Variants in RYR3 observed in about 807,000 individuals in gnomAD.
RYR3 encodes brain ryanodine receptor-calcium release channel.
RYR3 carries 207 observed loss-of-function variants against 584.3 expected under a neutral mutation model. That is an observed-to-expected ratio of 0.35 (90% CI 0.32 to 0.40). The LOEUF is 0.40. Among genes scored for constraint, RYR3 ranks in the 10% least tolerant of loss-of-function variants. The probability of loss-of-function intolerance (pLI) is 1.00; values close to 1 mark genes in which losing one functional copy is unlikely to be tolerated. For missense variants in RYR3, 5,616 were observed against 6,089.2 expected (o/e 0.92, Z 2.59); for synonymous variants, 2,416 against 2,248.5 (o/e 1.07, Z -2.11).
At position 33,831,223 on chromosome 15, in the gene RYR3, T is replaced by C. The variant is rs1451668956; in HGVS notation, c.11463+132T>C. On this transcript the variant is annotated intron_variant, in intron 86 of 103. Transcript: ENST00000634891. ...CAGCCCTAATGCTGACAATTTTTATTTTCTCTAAATAGGAAGCAATAGTAC... is the reference window on the plus strand; with the variant it reads ...CAGCCCTAATGCTGACAATTTTTATCTTCTCTAAATAGGAAGCAATAGTAC... 4 of 823,228 alleles carry C rather than the reference T, an allele frequency of 4.9e-6. No homozygotes were observed. The East Asian group carries it at 1.2e-4, about 25-fold the overall frequency. 51.0% of individuals were successfully genotyped at this position (823,228 alleles called of 1,614,324 possible). A position where few individuals can be genotyped will look rare whatever the true frequency, so the allele number is the denominator to read the frequency against.
intron 2 of RYR3, among the ~76,000 whole-genome samples, chr15:33,486,841 T>G (rs887497674): frequency 3.9e-5 from 6 of 152,104 alleles, no homozygotes; most frequent in African/African-American, 1.4e-4. Context: ...AGCAGGGTCC[T>G]TTGGGAGGAC....
chr15:33,746,222 A>G, intron 53 of RYR3, 65 bp downstream of exon 53: 1 of 1,055,242 alleles, frequency 9.5e-7, no homozygotes, highest in South Asian at 1.3e-5. Context: ...TGATTTTATC[A>G]GAGGAGTTCA....
chr15:33,550,171 G>A lies in RYR3; in HGVS notation c.827G>A (p.Ser276Asn). 3 of 1,612,314 alleles carry A rather than the reference G, an allele frequency of 1.9e-6. No homozygotes were observed. Among genetic ancestry groups the A allele is most frequent in the Non-Finnish European group, 1.7e-6 (2 of 1,179,452 alleles). ...VEPLRISWSG[S>N]NIRWGQAFRL... Reference sequence around the variant, plus strand: ...TTTCATCTGCCCAGCTGGAGTGGCAGTAACATCAGATGGGGCCAGGCTTTC... The same window carrying A: ...TTTCATCTGCCCAGCTGGAGTGGCAATAACATCAGATGGGGCCAGGCTTTC... The change falls in exon 10 of 104, where the codon AGT becomes AAT. Residue 276 changes from serine to asparagine, a missense_variant. Ser to Asn is a conservative substitution (Grantham distance 46, BLOSUM62 1). Around this residue, in one of 9 missense-constraint regions of RYR3, gnomAD observed 1,284 missense variants for 1,344.6 expected, o/e 0.95. Coordinates refer to ENST00000634891, the MANE Select transcript of RYR3 (RefSeq NM_001036.6).
intron 24 of RYR3, among the ~76,000 whole-genome samples, chr15:33,634,306 C>G (rs929462276): frequency 1.3e-5 from 2 of 152,186 alleles, no homozygotes; most frequent in African/African-American, 4.8e-5. Context: ...CCACCTCGGC[C>G]TCCCAAAGTG....
chr15:33,420,679 T>A (rs910417386), intron 1 of RYR3, among the ~76,000 whole-genome samples: 1 of 152,010 alleles, frequency 6.6e-6, no homozygotes, highest in African/African-American at 2.4e-5. Flanking sequence ...ATTTTTTTTT[T>A]AAAACAATCT....
At chr15:33,706,187 C>T (rs8025933) in intron 42 of RYR3, among the ~76,000 whole-genome samples, 47,796 of 151,848 alleles carry the variant, frequency 0.31, 8,436 homozygotes, top group African/African-American at 0.5. Context: ...TTGTTTCTTA[C>T]ATACGTGTAA....
chr15:33,657,390 C>T lies in RYR3; in HGVS notation c.4309-2330C>T, dbSNP rs72713246. Among the ~76,000 whole-genome samples, 918 of 152,350 alleles carry T rather than the reference C, an allele frequency of 6.0e-3. 5 individuals carry two copies. Among genetic ancestry groups the T allele is most frequent in the Non-Finnish European group, 0.011 (733 of 68,026 alleles). On this transcript the variant is annotated intron_variant, in intron 32 of 103. Transcript: ENST00000634891. ...ATTTCTCTCTCCCTGTTAGCAGAAA[C>T]GCATGGGCTTCCTACTGGTCCAGAT...
At chr15:33,846,745 C>G (rs568401275) in intron 93 of RYR3, among the ~76,000 whole-genome samples, 1 of 152,330 alleles carries the variant, frequency 6.6e-6, no homozygotes, top group East Asian at 1.9e-4. Flanking sequence ...GTTGAACTCA[C>G]AGCTCTGCCA....
chr15:33,686,567 C>A (rs769340179), intron 38 of RYR3, among the ~76,000 whole-genome samples: 11 of 152,316 alleles, frequency 7.2e-5, no homozygotes, highest in Admixed American at 3.3e-4. Context: ...TCCTCCCTTA[C>A]TCATTTTATG....
At chr15:33,445,597 G>A (rs1333320177) in intron 1 of RYR3, among the ~76,000 whole-genome samples, 1 of 148,316 alleles carries the variant, frequency 6.7e-6, no homozygotes, top group Non-Finnish European at 1.5e-5. Flanking sequence ...CTCAGATGAT[G>A]AATATAAATT....
chr15:33,815,738 A>G, intron 74 of RYR3: 1 of 395,310 alleles, frequency 2.5e-6, no homozygotes, highest in Admixed American at 4.4e-5. Flanking sequence ...AACCGCACAG[A>G]ATCTCCCAAA....
chr15:33,574,870 G>A (rs1408076206), intron 12 of RYR3, among the ~76,000 whole-genome samples: 5 of 152,108 alleles, frequency 3.3e-5, no homozygotes, highest in East Asian at 1.9e-4. Flanking sequence ...TTCATGTGCC[G>A]TATTCAAGAG....
At chr15:33,793,079 A>G (rs1002217605) in intron 67 of RYR3, among the ~76,000 whole-genome samples, 3 of 152,194 alleles carry the variant, frequency 2.0e-5, no homozygotes, top group African/African-American at 7.2e-5. Context: ...ATTCACTCAG[A>G]TTTGATAATT....
chr15:33,474,359 G>A (rs139528739), intron 2 of RYR3, among the ~76,000 whole-genome samples: 3 of 152,306 alleles, frequency 2.0e-5, no homozygotes, highest in African/African-American at 7.2e-5. Context: ...AGTCGTAGGG[G>A]CTAGTGAGAC....
rs367738785 is a variant in RYR3, at chr15:33,746,803, C to CTTTT, written c.7989+659_7989+662dup. On this transcript the variant is annotated intron_variant, in intron 53 of 103. Coordinates refer to ENST00000634891, the MANE Select transcript of RYR3 (RefSeq NM_001036.6). ...GACAAAAATAATTTCTTTCTTTCTT[C>CTTTT]TTTTTTTTTTTTTTTTCTCTTTTGA... is the stretch of plus-strand genomic sequence containing the variant. 5.2e-5 allele frequency among the ~76,000 whole-genome samples: 7 copies of CTTTT among 135,690 alleles called. 1 individual carries two copies. Among genetic ancestry groups the CTTTT allele is most frequent in the South Asian group, 2.4e-4 (1 of 4,252 alleles). The allele number at this position is 135,690 out of a possible 152,430, so 89.0% of individuals were successfully genotyped here. A position where few individuals can be genotyped will look rare whatever the true frequency, so the allele number is the denominator to read the frequency against.
chr15:33,787,327 CCTT>C (rs1159603099), intron 66 of RYR3, among the ~76,000 whole-genome samples: 2 of 152,176 alleles, frequency 1.3e-5, no homozygotes, highest in Non-Finnish European at 2.9e-5. Flanking sequence ...GTGCCATTAA[CCTT>C]CTCTTTCTAA....
At chr15:33,630,243 G>A (rs1415676606) in intron 22 of RYR3, among the ~76,000 whole-genome samples, 200 bp downstream of exon 22, 2 of 152,104 alleles carry the variant, frequency 1.3e-5, no homozygotes, top group African/African-American at 4.8e-5. Context: ...TAAACCATTT[G>A]CTATTTGCTA....
intron 93 of RYR3, 28 bp downstream of exon 93, chr15:33,845,090 TCTCA>T: frequency 6.2e-7 from 1 of 1,610,396 alleles, no homozygotes; most frequent in Non-Finnish European, 8.5e-7. Flanking sequence ...CTGGATCTAA[TCTCA>T]CTCCTTGAGG....
intron 66 of RYR3, 101 bp downstream of exon 66, chr15:33,786,083 T>C (rs963141850): frequency 1.0e-5 from 11 of 1,066,742 alleles, no homozygotes; most frequent in Non-Finnish European, 1.5e-5. Context: ...GCACAAGCTC[T>C]ATTCTATATT....
Sources: gnomAD v4.1 joint callset for allele counts (sites outside exome capture counted in the v4.1 genomes callset) on GRCh38, gnomAD v4.1.1 for gene constraint, gnomAD v4.1.1 regional missense constraint, MANE v1.5 for transcripts, NCBI Gene and HGNC (gene_info 2026-07-23, HGNC 2026-07-21) for gene names.